The following PRKN variants were observed in gnomAD, a reference collection of about 807,000 sequenced individuals.
PRKN encodes the protein E3 ubiquitin-protein ligase parkin.
A neutral mutation model predicts 59.5 loss-of-function variants in PRKN; 56 were observed. The observed-to-expected ratio is 0.94, with a 90% CI of 0.76 to 1.18. The LOEUF is 1.18. Ranked by LOEUF, PRKN falls within the 50% of genes most tolerant of loss-of-function variation. The pLI, the probability that PRKN is intolerant of heterozygous loss-of-function variation, is 0.00. For synonymous variants in PRKN, 250 were observed against 222.1 expected (o/e 1.13, Z -1.12); for missense variants, 657 against 596.4 (o/e 1.10, Z -1.06).
At chr6:162,239,689 G>C (rs71567636) in intron 3 of PRKN, among the ~76,000 whole-genome samples, 2,319 of 152,088 alleles carry the variant, frequency 0.015, 33 homozygotes, top group Non-Finnish European at 0.024. Context: ...TGAGAATTCT[G>C]CTTGCAGCCC....
At chr6:161,645,505 T>G (rs1278158404) in intron 7 of PRKN, among the ~76,000 whole-genome samples, 1 of 152,258 alleles carries the variant, frequency 6.6e-6, no homozygotes, top group Non-Finnish European at 1.5e-5. Flanking sequence ...ACATTCAACT[T>G]AAACGTTTAT....
chr6:161,655,885 TACACACACACACAC>T (rs376047879), intron 7 of PRKN, among the ~76,000 whole-genome samples: 2 of 56,844 alleles, frequency 3.5e-5, no homozygotes, highest in African/African-American at 5.3e-5. Flanking sequence ...CACACACACA[TACACACACACACAC>T]ACACACACAC....
chr6:161,947,997 T>TC (rs1779844508), intron 6 of PRKN, among the ~76,000 whole-genome samples: 1 of 152,102 alleles, frequency 6.6e-6, no homozygotes, highest in Non-Finnish European at 1.5e-5. Flanking sequence ...TTCTTCTTCT[T>TC]TTTTTTGAGA....
intron 2 of PRKN, among the ~76,000 whole-genome samples, chr6:162,364,355 A>G (rs1785306628): frequency 6.6e-6 from 1 of 152,180 alleles, no homozygotes; most frequent in Non-Finnish European, 1.5e-5. Context: ...TTGAGTTGTC[A>G]TCAGTGTCGT....
chr6:161,768,700 C>A (rs1471777997), intron 7 of PRKN, among the ~76,000 whole-genome samples: 1 of 152,120 alleles, frequency 6.6e-6, no homozygotes, highest in Non-Finnish European at 1.5e-5. Flanking sequence ...ATACCGTGAC[C>A]CCAATTTCAA....
Position 161,391,776 on chromosome 6 carries a change from C to A in PRKN, c.1084-4899G>T, listed in dbSNP as rs1306038399. Among the ~76,000 whole-genome samples the A allele has an allele frequency of 2.6e-5, 4 of 152,036 alleles. No homozygotes were observed. Among genetic ancestry groups the A allele is most frequent in the South Asian group, 2.1e-4 (1 of 4,824 alleles). On this transcript the variant is annotated intron_variant, in intron 9 of 11. Coordinates refer to ENST00000366898, the MANE Select transcript of PRKN (RefSeq NM_004562.3). This position sits in a 1 kb window ranked among gnomAD's most constrained non-coding sequence, Gnocchi z 4.9. ...GGAAAGGCCTAAGAGCATAACTGAG[C>A]CTTCCCTGAGGAAGAAGAGATTTCA...
chr6:162,077,287 AC>A (rs1484989270), intron 4 of PRKN, among the ~76,000 whole-genome samples: 1 of 152,100 alleles, frequency 6.6e-6, no homozygotes, highest in Non-Finnish European at 1.5e-5. Flanking sequence ...CAATAGGCTG[AC>A]CTATTCTCTT....
chr6:161,696,705 C>A (rs776670432), intron 7 of PRKN, among the ~76,000 whole-genome samples: 1 of 152,134 alleles, frequency 6.6e-6, no homozygotes, highest in African/African-American at 2.4e-5. Context: ...TACCCTCTTA[C>A]AAAGTTTTAT....
rs1786256441 is a variant in PRKN, at chr6:161,386,551, T to G, written c.1167+243A>C. 6.6e-6 allele frequency among the ~76,000 whole-genome samples: 1 copy of G among 152,240 alleles called. No individual in the cohort carries two copies. The highest frequency in any genetic ancestry group is 1.5e-5 in the Non-Finnish European group (1 of 68,038). ...AAAATGCTCACATGCCTTGTCCCTG[T>G]TCCATATCTGCCCAGGGAAAAGCTA... is the stretch of plus-strand genomic sequence containing the variant. On this transcript the variant is annotated intron_variant, in intron 10 of 11. Coordinates refer to ENST00000366898, the MANE Select transcript of PRKN (RefSeq NM_004562.3). This position sits in a 1 kb window ranked among gnomAD's most constrained non-coding sequence, Gnocchi z 4.3.
At chr6:161,556,292 G>C (rs1780235785) in intron 8 of PRKN, among the ~76,000 whole-genome samples, 1 of 152,110 alleles carries the variant, frequency 6.6e-6, no homozygotes, top group Non-Finnish European at 1.5e-5. Context: ...GGGAATTTCT[G>C]ATGATTAAAA....
intron 3 of PRKN, among the ~76,000 whole-genome samples, chr6:162,223,957 G>C (rs897337145): frequency 5.3e-5 from 8 of 152,082 alleles, no homozygotes; most frequent in Non-Finnish European, 1.2e-4. Flanking sequence ...TACAAAGACT[G>C]ATTTGGCTGT....
intron 5 of PRKN, among the ~76,000 whole-genome samples, chr6:161,980,899 C>T (rs552788742): frequency 6.6e-6 from 1 of 152,218 alleles, no homozygotes; most frequent in East Asian, 1.9e-4. Context: ...TCTAATCAGC[C>T]TCCACTAAAA....
At chr6:161,864,789 T>C (rs1200648420) in intron 6 of PRKN, among the ~76,000 whole-genome samples, 1 of 114,204 alleles carries the variant, frequency 8.8e-6, no homozygotes, top group African/African-American at 3.7e-5. Context: ...CCTGAGTAGC[T>C]GGGATTACAG....
At chr6:162,105,967 G>A (rs1028868547) in intron 4 of PRKN, among the ~76,000 whole-genome samples, 8 of 151,974 alleles carry the variant, frequency 5.3e-5, no homozygotes, top group Non-Finnish European at 8.8e-5. Flanking sequence ...ATACTTGCCC[G>A]GCCACATAAT....
chr6:162,225,886 G>GTATATATATATA lies in PRKN; in HGVS notation c.413-24646_413-24635dup, dbSNP rs58925653. On this transcript the variant is annotated intron_variant, in intron 3 of 11. Coordinates refer to ENST00000366898, the MANE Select transcript of PRKN (RefSeq NM_004562.3). ...AAATGACTGCTGTTAATGTAGGGCT[G>GTATATATATATA]TATATATATATATATATATACTTTT... Among the ~76,000 whole-genome samples the GTATATATATATA allele has an allele frequency of 3.6e-3, 515 of 143,148 alleles. 2 individuals are homozygous for GTATATATATATA. In the Middle Eastern group the frequency reaches 0.045, roughly 12 times the overall value. The allele number at this position is 143,148 out of a possible 152,430, so 93.9% of individuals were successfully genotyped here.
At chr6:161,895,864 G>C (rs1777607875) in intron 6 of PRKN, among the ~76,000 whole-genome samples, 1 of 152,212 alleles carries the variant, frequency 6.6e-6, no homozygotes, top group African/African-American at 2.4e-5. Flanking sequence ...GGCAGGGTTG[G>C]AGGGAAGAAT....
Position 162,727,303 on chromosome 6 carries a change from G to C in PRKN, c.7+359C>G, listed in dbSNP as rs936951525. ...AGGTGAGGGGCGAAGGTGAGGGGCG[G>C]CGGCGGGGCGAAGGTGAGGGGCGGC... On this transcript the variant is annotated intron_variant, in intron 1 of 11. Coordinates refer to ENST00000366898, the MANE Select transcript of PRKN (RefSeq NM_004562.3). 17 of 347,992 alleles carry C rather than the reference G, an allele frequency of 4.9e-5. No homozygotes were observed. The South Asian group carries it at 6.5e-4, about 13-fold the overall frequency. 21.6% of individuals were successfully genotyped at this position (347,992 alleles called of 1,614,324 possible).
chr6:162,140,851 G>A (rs1438846397), intron 4 of PRKN, among the ~76,000 whole-genome samples: 6 of 152,142 alleles, frequency 3.9e-5, no homozygotes, highest in Non-Finnish European at 5.9e-5. Context: ...TATGATGGCC[G>A]GGTGCAGTGG....
rs560976880 is a variant in PRKN, at chr6:161,549,227, A to G, written c.934-224T>C. Among the ~76,000 whole-genome samples the G allele has an allele frequency of 1.1e-4, 16 of 152,296 alleles. 1 individual carries two copies. The South Asian group carries it at 3.3e-3, about 32-fold the overall frequency. Reference sequence around the variant, plus strand: ...AAGTCTACCAAATTCAACTGGCAAGACATATAAGTGTGTTTACTTTTTGCT... The same window carrying G: ...AAGTCTACCAAATTCAACTGGCAAGGCATATAAGTGTGTTTACTTTTTGCT... On this transcript the variant is annotated intron_variant, in intron 8 of 11. Transcript: ENST00000366898. This position sits in a 1 kb window ranked among gnomAD's most constrained non-coding sequence, Gnocchi z 6.0.
Sources: allele counts gnomAD v4.1 joint callset (sites outside exome capture counted in the v4.1 genomes callset), GRCh38; gene constraint gnomAD v4.1.1; non-coding constraint Gnocchi (gnomAD v3.1); transcripts MANE v1.5; gene names NCBI Gene and HGNC (gene_info 2026-07-23, HGNC 2026-07-21).